Variants in RGS12 observed in about 807,000 individuals in gnomAD.
RGS12 encodes regulator of G-protein signaling 12.
Under a neutral mutation model 120.1 loss-of-function variants are expected in RGS12, and 66 were observed. That is an observed-to-expected ratio of 0.55 (90% CI 0.45 to 0.67). The LOEUF (loss-of-function observed/expected upper bound fraction) is 0.67. Ranked by LOEUF, RGS12 falls within the 30% of genes least tolerant of loss-of-function variation. The probability of loss-of-function intolerance (pLI) is 0.00; values close to 1 mark genes in which losing one functional copy is unlikely to be tolerated. For missense variants in RGS12, 1,859 were observed against 1,957.7 expected, an observed-to-expected ratio of 0.95 and a Z score of 0.95; for synonymous variants, 827 against 804.7, an observed-to-expected ratio of 1.03 and a Z score of -0.47.
intron 3 of RGS12, chr4:3,370,115 A>T (rs1467155521): frequency 7.2e-7 from 1 of 1,397,254 alleles, no homozygotes; most frequent in Non-Finnish European, 9.4e-7. Context: ...CTGGCAAGCC[A>T]CAGCTTCCTG....
chr4:3,422,077 G>A (rs1054378605), intron 10 of RGS12, among the ~76,000 whole-genome samples: 11 of 152,186 alleles, frequency 7.2e-5, no homozygotes, highest in Non-Finnish European at 1.0e-4. Context: ...AGTGGGCCCC[G>A]CAGGACAGCC....
chr4:3,417,950 G>A (rs762864), intron 9 of RGS12: 103,330 of 164,088 alleles, frequency 0.63, 33,252 homozygotes, highest in East Asian at 0.8. Flanking sequence ...GTCTCCCCCA[G>A]TGGCAGCTTG....
At position 3,439,697 on chromosome 4, in the gene RGS12, T is replaced by G; in HGVS notation, c.*13T>G. On this transcript the variant is annotated 3_prime_UTR_variant, in exon 18 of 18. Transcript: ENST00000336727. ...CACCTTCGTCTGAGCTGCCCTGGCC[T>G]GGCCAACTCTCCTGTGGACATGTCG... 1 of 1,487,244 alleles carries G rather than the reference T, an allele frequency of 6.7e-7. No homozygotes were observed. The highest frequency in any genetic ancestry group is 9.0e-7 in the Non-Finnish European group (1 of 1,116,572). The allele number at this position is 1,487,244 out of a possible 1,614,324, so 92.1% of individuals were successfully genotyped here. A position where few individuals can be genotyped will look rare whatever the true frequency, so the allele number is the denominator to read the frequency against.
At chr4:3,426,749 A>G (rs1723699715) in intron 14 of RGS12, 1 of 152,142 alleles carries the variant, frequency 6.6e-6, no homozygotes, top group South Asian at 2.1e-4. Context: ...ACTCAGACCC[A>G]GGAGGGTGGG....
chr4:3,425,503 T>C lies in RGS12; in HGVS notation c.3274T>C (p.Ser1092Pro). Residue 1092 changes from serine (S) to proline (P), a missense_variant, in exon 14 of 18, where the codon TCG (serine) becomes CCG (proline). Coordinates refer to ENST00000336727, the MANE Select transcript of RGS12 (RefSeq NM_001394154.1). ...KEPLDLGAPI[S>P]SLDGQRVVLE... ...GCCCCTGGACCTTGGCGCCCCTATA[T>C]CGAGTCTGGACGGACAGCGGGTTGT... 6.2e-7 allele frequency: 1 copy of C among 1,611,698 alleles called. No homozygotes were observed. The highest frequency in any genetic ancestry group is 1.1e-5 in the South Asian group (1 of 90,926).
At chr4:3,332,567 T>C (rs1262792313) in intron 2 of RGS12, among the ~76,000 whole-genome samples, 1 of 152,220 alleles carries the variant, frequency 6.6e-6, no homozygotes, top group Non-Finnish European at 1.5e-5. Flanking sequence ...AAGTGGTGTC[T>C]CATGTGGCTT....
chr4:3,343,145 C>A, intron 3 of RGS12, 92 bp downstream of exon 3: 1 of 835,860 alleles, frequency 1.2e-6, no homozygotes, highest in Non-Finnish European at 2.0e-6. Context: ...TTTTGAGTCC[C>A]TGTGGTCCCC....
Position 3,431,174 on chromosome 4 carries a change from C to T in RGS12, c.4114+219C>T, listed in dbSNP as rs1255896493. ...GTCAGGATGGTCCCCCCGAGGCGCT[C>T]TGGGCAGGCATCCTGGTGTCCTGAG... On this transcript the variant is annotated intron_variant, in intron 17 of 17. Transcript: ENST00000336727. 46 of 1,410,478 alleles carry T rather than the reference C, an allele frequency of 3.3e-5. No individual in the cohort carries two copies. The Middle Eastern group carries it at 1.8e-3, about 56-fold the overall frequency. 87.4% of individuals were successfully genotyped at this position (1,410,478 alleles called of 1,614,324 possible).
intron 2 of RGS12, among the ~76,000 whole-genome samples, chr4:3,336,843 C>T (rs934377288): frequency 7.2e-5 from 11 of 152,108 alleles, no homozygotes; most frequent in Admixed American, 6.5e-4. Flanking sequence ...TATGCAGAGT[C>T]TATAGAGAAC....
intron 15 of RGS12, 173 bp from the exon 16 acceptor site, chr4:3,428,385 C>T (rs956977054): frequency 1.2e-5 from 9 of 769,466 alleles, no homozygotes; most frequent in African/African-American, 1.8e-5. Context: ...GTGGTTGTGC[C>T]TTAAATGCTA....
chr4:3,340,045 C>G (rs1051958454), intron 2 of RGS12, among the ~76,000 whole-genome samples: 1 of 152,244 alleles, frequency 6.6e-6, no homozygotes, highest in Non-Finnish European at 1.5e-5. Context: ...TAGCAGTGGA[C>G]TGAACATTTC....
At chr4:3,431,171 G>T in intron 17 of RGS12, 1 of 1,410,556 alleles carries the variant, frequency 7.1e-7, no homozygotes, top group Non-Finnish European at 9.2e-7. Flanking sequence ...CCCCCGAGGC[G>T]CTCTGGGCAG....
Position 3,317,368 on chromosome 4 carries a change from A to C in RGS12, c.1198A>C (p.Met400Leu). The C allele has an allele frequency of 6.2e-7, 1 of 1,614,110 alleles. No homozygotes were observed. Among genetic ancestry groups the C allele is most frequent in the Non-Finnish European group, 8.5e-7 (1 of 1,180,030 alleles). Residue 400 changes from methionine to leucine, a missense_variant, in exon 2 of 18, where the codon ATG becomes CTG. This residue lies in a region of RGS12 where 967 missense variants were observed against 994.2 expected (regional missense o/e 0.97). Transcript: ENST00000336727. ...AGACATGGGTGAGCTGATTGAGGGC[A>C]TGCGGGCCCGCGCCTTTCTGGACGG... is the stretch of plus-strand genomic sequence containing the variant. ...YRDMGELIEGMRARAFLDGDA... is the reference protein window; with the variant it reads ...YRDMGELIEGLRARAFLDGDA...
chr4:3,402,362 C>T (rs2109039995), intron 4 of RGS12, among the ~76,000 whole-genome samples: 3 of 152,186 alleles, frequency 2.0e-5, no homozygotes, highest in Middle Eastern at 6.8e-3. Context: ...TATGGGGTGG[C>T]CTCTAAATGT....
rs143055638 is a variant in RGS12 at position 3,307,099 on chromosome 4, G to A, written c.-101-8971G>A. Among the ~76,000 whole-genome samples, 19 of 152,312 alleles carry A rather than the reference G, an allele frequency of 1.2e-4. No homozygotes were observed. The East Asian group carries it at 3.3e-3, about 26-fold the overall frequency. On this transcript the variant is annotated intron_variant, in intron 1 of 17. Transcript: ENST00000336727. ...ATGTGGGGTTTGGAGTGAGCCCATC[G>A]TTCACACCTCTTAACTGCCTCCCCC...
intron 1 of RGS12, among the ~76,000 whole-genome samples, chr4:3,310,193 G>T: frequency 6.6e-6 from 1 of 151,150 alleles, no homozygotes; most frequent in Non-Finnish European, 1.5e-5. Flanking sequence ...CTGGGACCCG[G>T]GAATGGCAGG....
rs1722918815 is a variant in RGS12 at position 3,420,671 on chromosome 4, C to T, written c.2791C>T (p.Arg931Cys). The T allele has an allele frequency of 2.5e-6, 4 of 1,613,312 alleles. No homozygotes were observed. Among genetic ancestry groups the T allele is most frequent in the Admixed American group, 1.7e-5 (1 of 60,006 alleles). ...CCTGCATGCCAATGGAGGCCTGTGTCGCCGAGAGTCGCAGGGCTCTGTGTC... is the reference window on the plus strand; with the variant it reads ...CCTGCATGCCAATGGAGGCCTGTGTTGCCGAGAGTCGCAGGGCTCTGTGTC... Reference protein sequence around the residue: ...DALHANGGLCRRESQGSVSSA... With the variant: ...DALHANGGLCCRESQGSVSSA... The change falls in exon 10 of 18, where the codon CGC (arginine) becomes TGC (cysteine). Residue 931 changes from arginine (R) to cysteine (C), a missense_variant. Physicochemically the swap from Arg to Cys is radical, Grantham distance 180 (BLOSUM62 -3). This residue lies in a region of RGS12 where 375 missense variants were observed against 475.0 expected (regional missense o/e 0.79). Transcript: ENST00000336727.
chr4:3,423,781 A>G, intron 13 of RGS12, 140 bp downstream of exon 13: 1 of 1,059,218 alleles, frequency 9.4e-7, no homozygotes, highest in Non-Finnish European at 1.3e-6. Flanking sequence ...GGAGGAGAGG[A>G]GACAGCCTCT....
At position 3,336,443 on chromosome 4, in the gene RGS12, C is replaced by T. The variant is rs184942925; in HGVS notation, c.1882-6494C>T. On this transcript the variant is annotated intron_variant, in intron 2 of 17. Coordinates refer to ENST00000336727, the MANE Select transcript of RGS12 (RefSeq NM_001394154.1). ...GATGTGAGCTAGAAATCTGACTCCT[C>T]GTAAGTCTCTATATTGCCTCTTTTT... Among the ~76,000 whole-genome samples the T allele has an allele frequency of 5.7e-4, 87 of 152,344 alleles. 4 individuals are homozygous for T. Among genetic ancestry groups the T allele is most frequent in the South Asian group, 3.5e-3 (17 of 4,826 alleles).
Sources: gnomAD v4.1 joint callset for allele counts (sites outside exome capture counted in the v4.1 genomes callset) on GRCh38, gnomAD v4.1.1 for gene constraint, gnomAD v4.1.1 regional missense constraint, MANE v1.5 for transcripts, NCBI Gene and HGNC (gene_info 2026-07-23, HGNC 2026-07-21) for gene names.